CNTN5: variants seen among roughly 807,000 people sequenced by gnomAD.
The protein encoded by CNTN5 is contactin 5.
In CNTN5, 77 loss-of-function variants were observed where a neutral mutation model predicts 129.1. The observed-to-expected ratio is 0.60, with a 90% CI of 0.50 to 0.72. The LOEUF (loss-of-function observed/expected upper bound fraction) is 0.72, where lower values mean the gene tolerates loss of function less well. CNTN5 is among the 30% of genes least tolerant of loss of function. The pLI, the probability that CNTN5 is intolerant of heterozygous loss-of-function variation, is 0.00. For missense variants in CNTN5, 1,478 were observed against 1,328.8 expected (o/e 1.11, Z -1.75); for synonymous variants, 509 against 465.6 (o/e 1.09, Z -1.20).
intron 13 of CNTN5, among the ~76,000 whole-genome samples, chr11:100,160,767 C>T (rs761297041): frequency 1.7e-4 from 26 of 151,922 alleles, no homozygotes; most frequent in South Asian, 8.3e-4. Flanking sequence ...AATCATGCTG[C>T]GCACTTAATA....
intron 3 of CNTN5, among the ~76,000 whole-genome samples, chr11:99,801,946 ATT>A (rs1174296711): frequency 2.0e-5 from 3 of 152,118 alleles, no homozygotes; most frequent in African/African-American, 7.2e-5. Context: ...AAGCATTCAT[ATT>A]TTTTATGGTG....
intron 3 of CNTN5, among the ~76,000 whole-genome samples, chr11:99,585,259 A>G: frequency 6.6e-6 from 1 of 152,220 alleles, no homozygotes; most frequent in Non-Finnish European, 1.5e-5. Flanking sequence ...TCAAAGAAGA[A>G]TATTCATAAT....
At chr11:99,109,326 T>A (rs897101788) in intron 1 of CNTN5, among the ~76,000 whole-genome samples, 4 of 152,138 alleles carry the variant, frequency 2.6e-5, no homozygotes, top group African/African-American at 9.7e-5. Context: ...TGTTGATTTT[T>A]AAAAATTATA....
At chr11:99,634,570 A>G (rs187102880) in intron 3 of CNTN5, among the ~76,000 whole-genome samples, 38 of 152,302 alleles carry the variant, frequency 2.5e-4, no homozygotes, top group Admixed American at 1.6e-3. Context: ...GATTCTGTCT[A>G]TTTAAATGGA....
intron 3 of CNTN5, among the ~76,000 whole-genome samples, chr11:99,726,424 G>T (rs1670577916): frequency 6.6e-6 from 1 of 152,122 alleles, no homozygotes; most frequent in Admixed American, 6.6e-5. Flanking sequence ...CTGAAGCAAG[G>T]AGAGTTTGAT....
chr11:99,738,479 GACA>G (rs1474348921), intron 3 of CNTN5, among the ~76,000 whole-genome samples: 1 of 152,148 alleles, frequency 6.6e-6, no homozygotes, highest in Admixed American at 6.6e-5. Context: ...AGAGCTTTTA[GACA>G]AATTGATGTC....
intron 13 of CNTN5, among the ~76,000 whole-genome samples, chr11:100,104,411 T>G (rs1055237221): frequency 1.3e-5 from 2 of 152,080 alleles, no homozygotes; most frequent in African/African-American, 4.8e-5. Context: ...AGAATAGTTT[T>G]TAGGCATCAT....
At chr11:99,752,567 G>A (rs551440205) in intron 3 of CNTN5, among the ~76,000 whole-genome samples, 1 of 152,130 alleles carries the variant, frequency 6.6e-6, no homozygotes, top group Non-Finnish European at 1.5e-5. Flanking sequence ...TTTGTGTTTT[G>A]TATATAGGTT....
At chr11:99,763,093 C>G (rs1255765087) in intron 3 of CNTN5, among the ~76,000 whole-genome samples, 1 of 151,832 alleles carries the variant, frequency 6.6e-6, no homozygotes, top group Non-Finnish European at 1.5e-5. Context: ...AAACATAACA[C>G]ATTTTCTGAT....
At chr11:99,956,607 C>A (rs1403063218) in intron 7 of CNTN5, among the ~76,000 whole-genome samples, 199 bp from the exon 8 acceptor site, 2 of 152,036 alleles carry the variant, frequency 1.3e-5, no homozygotes, top group African/African-American at 4.8e-5. Flanking sequence ...GGTCAGACAT[C>A]GTAAGAAATA....
chr11:99,864,870 C>T (rs72991352), intron 6 of CNTN5, among the ~76,000 whole-genome samples: 7 of 152,236 alleles, frequency 4.6e-5, no homozygotes, highest in East Asian at 1.9e-4. Flanking sequence ...TCATATACCA[C>T]GATTACTGTT....
At chr11:99,966,775 A>G (rs1951105809) in intron 8 of CNTN5, among the ~76,000 whole-genome samples, 1 of 152,168 alleles carries the variant, frequency 6.6e-6, no homozygotes, top group African/African-American at 2.4e-5. Context: ...TCCTTCTAAT[A>G]CTTACATAAA....
intron 3 of CNTN5, among the ~76,000 whole-genome samples, chr11:99,813,161 G>A (rs926639008): frequency 1.3e-5 from 2 of 152,154 alleles, no homozygotes; most frequent in East Asian, 3.9e-4. Flanking sequence ...TATCAGTGAA[G>A]GTTGAATGAG....
intron 8 of CNTN5, among the ~76,000 whole-genome samples, chr11:99,963,134 T>C (rs1258581093): frequency 6.6e-6 from 1 of 152,254 alleles, no homozygotes; most frequent in Admixed American, 6.5e-5. Context: ...TGGTAGTTTC[T>C]TTTGCTGTGC....
chr11:100,064,860 A>G (rs144708878), intron 10 of CNTN5, among the ~76,000 whole-genome samples: 3 of 152,256 alleles, frequency 2.0e-5, no homozygotes, highest in African/African-American at 7.2e-5. Flanking sequence ...GAAGGGGGAA[A>G]GATGGAGGCA....
intron 1 of CNTN5, among the ~76,000 whole-genome samples, chr11:99,205,337 C>T (rs66565528): frequency 0.21 from 31,796 of 151,926 alleles, 3,420 homozygotes; most frequent in Middle Eastern, 0.26. Flanking sequence ...CATAACCCTC[C>T]CCCTCTAGAT....
At chr11:99,222,871 C>T (rs557908792) in intron 1 of CNTN5, among the ~76,000 whole-genome samples, 1 of 152,240 alleles carries the variant, frequency 6.6e-6, no homozygotes, top group African/African-American at 2.4e-5. Flanking sequence ...TTCTTTAATA[C>T]TAGGCACCAA....
chr11:100,357,375 G>A lies in CNTN5; in HGVS notation c.*1155G>A, dbSNP rs1279102977. ...TCAGTACAGGGATTCAGCTAGTCTA[G>A]CCAGCTATGCACTGTTTGATTCTGT... On this transcript the variant is annotated 3_prime_UTR_variant, in exon 25 of 25. Coordinates refer to ENST00000524871, the MANE Select transcript of CNTN5 (RefSeq NM_014361.4). 6.6e-6 allele frequency: 1 copy of A among 151,704 alleles called. No individual in the cohort carries two copies. The highest frequency in any genetic ancestry group is 2.4e-5 in the African/African-American group (1 of 41,398). The allele number at this position is 151,704 out of a possible 1,614,324, so 9.4% of individuals were successfully genotyped here.
chr11:99,625,838 TAGAA>T (rs1456151605), intron 3 of CNTN5, among the ~76,000 whole-genome samples: 4 of 151,546 alleles, frequency 2.6e-5, no homozygotes, highest in African/African-American at 9.7e-5. Flanking sequence ...ACGTAAGAAG[TAGAA>T]AGATGAGTGA....
Sources: gnomAD v4.1 joint callset for allele counts (sites outside exome capture counted in the v4.1 genomes callset) on GRCh38, gnomAD v4.1.1 for gene constraint, MANE v1.5 for transcripts, NCBI Gene and HGNC (gene_info 2026-07-23, HGNC 2026-07-21) for gene names.